Variants in MID1 observed in about 807,000 individuals in gnomAD.
The protein encoded by MID1 is E3 ubiquitin-protein ligase Midline-1.
In MID1, 7 loss-of-function variants were observed where a neutral mutation model predicts 40.4. The ratio of observed to expected loss-of-function variants is 0.17; its 90% confidence interval spans 0.10 to 0.33. The LOEUF is 0.33. MID1 is among the 10% of genes least tolerant of loss of function. MID1 has a pLI of 1.00. For synonymous variants in MID1, 229 were observed against 221.2 expected (o/e 1.04, Z -0.31); for missense variants, 367 against 558.5 (o/e 0.66, Z 3.46).
At chrX:10,624,718 C>T (rs1935978362), upstream of MID1, among the ~76,000 whole-genome samples, 2 of 112,051 alleles carry the variant, frequency 1.8e-5, no homozygotes, top group Non-Finnish European at 3.8e-5. Context: ...TCAAGTGATT[C>T]TCCCACCTCA....
chrX:10,571,374 T>C (rs1934717525), intron 1 of MID1, among the ~76,000 whole-genome samples: 1 of 112,202 alleles, frequency 8.9e-6, no homozygotes. Context: ...GTTAAATGAC[T>C]CTACAGTATC....
intron 3 of MID1, among the ~76,000 whole-genome samples, chrX:10,499,971 C>T (rs1443588875): frequency 2.7e-5 from 3 of 112,106 alleles, no homozygotes; most frequent in African/African-American, 9.7e-5. Context: ...CTCTCTTAGC[C>T]GTGTGGAATT....
intron 1 of MID1, among the ~76,000 whole-genome samples, chrX:10,603,531 G>T (rs2147523490): frequency 8.9e-6 from 1 of 111,743 alleles, no homozygotes; most frequent in Admixed American, 9.5e-5. Flanking sequence ...TTGGACATTT[G>T]TACTTACTAA....
chrX:10,459,536 G>A, intron 8 of MID1, 110 bp downstream of exon 8: 1 of 852,516 alleles, frequency 1.2e-6, no homozygotes, highest in East Asian at 3.1e-5. Flanking sequence ...CTTGTTTTGG[G>A]GGGCTGTCAA....
At chrX:10,636,979 G>C (rs4358954) in intron 1 of MID1, among the ~76,000 whole-genome samples, 17 of 105,393 alleles carry the variant, frequency 1.6e-4, no homozygotes, top group African/African-American at 5.6e-4. Context: ...AGCTTTCCCA[G>C]CTGTACAACA....
intron 1 of MID1, among the ~76,000 whole-genome samples, chrX:10,689,233 C>T (rs980459489): frequency 1.8e-5 from 2 of 111,756 alleles, no homozygotes; most frequent in African/African-American, 6.5e-5. Context: ...AATTGACTCA[C>T]AGTTCTGCAT....
At chrX:10,548,632 T>C (rs1199627495) in intron 2 of MID1, among the ~76,000 whole-genome samples, 1 of 111,885 alleles carries the variant, frequency 8.9e-6, no homozygotes, top group Non-Finnish European at 1.9e-5. Context: ...AATGACCAGA[T>C]CCAGTGGCTT....
chrX:10,638,883 C>A (rs1362056654), intron 1 of MID1, among the ~76,000 whole-genome samples: 1 of 111,971 alleles, frequency 8.9e-6, no homozygotes, highest in Non-Finnish European at 1.9e-5. Flanking sequence ...CTGGTGATAC[C>A]CAGGCAAACA....
intron 1 of MID1, among the ~76,000 whole-genome samples, chrX:10,763,211 C>A (rs189772899): frequency 5.6e-5 from 6 of 107,771 alleles, no homozygotes; most frequent in African/African-American, 1.7e-4. Flanking sequence ...ATGTGCACAA[C>A]GTGCAGGTTT....
chrX:10,547,648 G>A, intron 2 of MID1, among the ~76,000 whole-genome samples: 2 of 92,828 alleles, frequency 2.2e-5, no homozygotes, highest in African/African-American at 3.9e-5. Context: ...AGGAAGGAAA[G>A]AGAAAAGAAA....
intron 1 of MID1, among the ~76,000 whole-genome samples, chrX:10,776,590 G>T (rs746711784): frequency 9.0e-6 from 1 of 110,955 alleles, no homozygotes; most frequent in Non-Finnish European, 1.9e-5. Context: ...AAGAGGTCAG[G>T]TGTGGTGGCT....
chrX:10,581,372 A>C (rs1480536609), intron 1 of MID1, among the ~76,000 whole-genome samples: 1 of 112,852 alleles, frequency 8.9e-6, no homozygotes, highest in Non-Finnish European at 1.9e-5. Context: ...GGCAGATCGG[A>C]GCCAGATACT....
intron 1 of MID1, 113 bp downstream of exon 1, chrX:10,620,177 C>A (rs1445490333): frequency 8.9e-6 from 1 of 112,675 alleles, no homozygotes; most frequent in Non-Finnish European, 1.9e-5. Context: ...CCGCCAAACG[C>A]ATCGACTACG....
chrX:10,775,350 G>A (rs919501236), intron 1 of MID1, among the ~76,000 whole-genome samples: 3 of 110,924 alleles, frequency 2.7e-5, no homozygotes, highest in African/African-American at 9.8e-5. Context: ...TTGGAAAGAA[G>A]GAGGAAGATG....
intron 1 of MID1, among the ~76,000 whole-genome samples, chrX:10,686,635 C>G (rs2043099998): frequency 8.9e-6 from 1 of 111,938 alleles, no homozygotes; most frequent in Non-Finnish European, 1.9e-5. Flanking sequence ...TTGAGGTCTC[C>G]AGAAACACAT....
intron 1 of MID1, among the ~76,000 whole-genome samples, chrX:10,618,037 T>C (rs1347786414): frequency 8.9e-6 from 1 of 112,361 alleles, no homozygotes; most frequent in African/African-American, 3.2e-5. Context: ...CTGAATCTTA[T>C]AGCTAGGCAA....
At chrX:10,628,153 C>CAT (rs1454271701) in intron 1 of MID1, among the ~76,000 whole-genome samples, 1 of 109,907 alleles carries the variant, frequency 9.1e-6, no homozygotes, top group Non-Finnish European at 1.9e-5. Context: ...GGTAACTTGT[C>CAT]ATAAGTTTTT....
chrX:10,592,801 G>T (rs1161924517), intron 1 of MID1, among the ~76,000 whole-genome samples: 1 of 110,706 alleles, frequency 9.0e-6, no homozygotes, highest in Non-Finnish European at 1.9e-5. Flanking sequence ...ATAAAAATAT[G>T]ATCAAATCTC....
chrX:10,785,258 A>G (rs747003471), intron 1 of MID1, among the ~76,000 whole-genome samples: 4,756 of 110,090 alleles, frequency 0.043, 270 homozygotes, highest in African/African-American at 0.15. Flanking sequence ...CCAACTTACA[A>G]GGGATGTGAA....
Sources: allele counts gnomAD v4.1 joint callset (sites outside exome capture counted in the v4.1 genomes callset), GRCh38; gene constraint gnomAD v4.1.1; transcripts MANE v1.5; gene names NCBI Gene and HGNC (gene_info 2026-07-23, HGNC 2026-07-21).